Variants in CSMD2 observed in about 807,000 individuals in gnomAD.
CSMD2 encodes the protein CUB and Sushi multiple domains 2.
Under a neutral mutation model 398.5 loss-of-function variants are expected in CSMD2, and 130 were observed. The ratio of observed to expected loss-of-function variants is 0.33; its 90% CI spans 0.28 to 0.38. CSMD2 has a LOEUF of 0.38. CSMD2 is among the 10% of genes least tolerant of loss of function. The probability of loss-of-function intolerance (pLI) is 1.00; values close to 1 mark genes in which losing one functional copy is unlikely to be tolerated. For missense variants in CSMD2, 3,829 were observed against 4,764.9 expected (o/e 0.80, Z 5.78); for synonymous variants, 1,828 against 1,908.5 (o/e 0.96, Z 1.10).
At chr1:33,783,431 TTCTCTCTCTCTCTCTCTCTCTCTCTCTC>T (rs55769634) in intron 12 of CSMD2, among the ~76,000 whole-genome samples, 13 of 135,250 alleles carry the variant, frequency 9.6e-5, no homozygotes, top group South Asian at 2.6e-4. Context: ...CATTCTCTCA[TTCTCTCTCTCTCTCTCTCTCTCTCTCTC>T]TCTCTCTCTC....
At chr1:33,567,976 C>T in intron 52 of CSMD2, 135 bp from the exon 53 acceptor site, 3 of 1,039,858 alleles carry the variant, frequency 2.9e-6, no homozygotes, top group South Asian at 1.6e-5. Flanking sequence ...GAGGACTTGG[C>T]ACCCCAAATC....
intron 15 of CSMD2, among the ~76,000 whole-genome samples, chr1:33,735,720 T>C (rs1250952962): frequency 6.6e-6 from 1 of 152,178 alleles, no homozygotes; most frequent in African/African-American, 2.4e-5. Context: ...TGTCCTATTA[T>C]AGCCTCTCAA....
At chr1:34,032,851 G>C (rs1650631600) in intron 2 of CSMD2, 145 bp from the exon 3 acceptor site, 3 of 608,232 alleles carry the variant, frequency 4.9e-6, no homozygotes, top group African/African-American at 3.9e-5. Context: ...CTCAGCAGAG[G>C]TGATGAAAAC....
chr1:33,888,756 T>TTTGTTGTTG (rs140395748), intron 5 of CSMD2, among the ~76,000 whole-genome samples: 63,629 of 148,638 alleles, frequency 0.43, 13,708 homozygotes, highest in East Asian at 0.52. Context: ...TCAACTGATT[T>TTTGTTGTTG]TTGTTGTTGT....
In CSMD2 at chr1:33,805,122, G is replaced by A. The variant is rs1420363245; in HGVS notation, c.1446+5621C>T. ...GTCTCCACACACTGACCAAGGCTAG[G>A]CCTTCTGGGGGTGAATCTAATTGTT... On this transcript the variant is annotated intron_variant, in intron 10 of 70. Transcript: ENST00000373381. 2.0e-5 allele frequency among the ~76,000 whole-genome samples: 3 copies of A among 152,348 alleles called. No individual in the cohort carries two copies. In the East Asian group the frequency reaches 5.8e-4, roughly 29 times the overall value.
rs114047165 is a variant in CSMD2, at chr1:33,844,777, C to T, written c.1033+2107G>A. Among the ~76,000 whole-genome samples, 681 of 152,282 alleles carry T rather than the reference C, an allele frequency of 4.5e-3. 3 individuals are homozygous for T. Among genetic ancestry groups the T allele is most frequent in the African/African-American group, 0.016 (651 of 41,548 alleles). ...TAGGATTGAACAAAGTAATAAATGC[C>T]AAGCGCTTAAAATCTAGCAAGTCCT... On this transcript the variant is annotated intron_variant, in intron 6 of 70. Coordinates refer to ENST00000373381, the MANE Select transcript of CSMD2 (RefSeq NM_001281956.2).
At position 33,537,110 on chromosome 1, in the gene CSMD2, CAA is replaced by C. The variant is rs780246344; in HGVS notation, c.9806-17_9806-16del. On this transcript the variant is annotated splice_polypyrimidine_tract_variant and intron_variant, in intron 61 of 70. Coordinates refer to ENST00000373381, the MANE Select transcript of CSMD2 (RefSeq NM_001281956.2). The surrounding 1 kb of genome is among the most constrained non-coding windows in gnomAD (Gnocchi z 4.6). ...CAGGGTCGGATCTGGATGGCCAAAA[CAA>C]AGACACAGATCACATGGTCATGGAA... The C allele has an allele frequency of 1.2e-6, 2 of 1,614,074 alleles. No homozygotes were observed. The highest frequency in any genetic ancestry group is 8.5e-7 in the Non-Finnish European group (1 of 1,179,942).
At chr1:33,536,959 T>C in intron 62 of CSMD2, 63 bp downstream of exon 62, 1 of 1,519,842 alleles carries the variant, frequency 6.6e-7, no homozygotes. Flanking sequence ...TGGGTCCTCT[T>C]ATGTTGACAG....
intron 5 of CSMD2, chr1:33,873,403 G>T (rs567708488): frequency 1.3e-5 from 2 of 152,204 alleles, no homozygotes; most frequent in South Asian, 4.2e-4. Context: ...TTTGTGTGTG[G>T]GCTGGACCTA....
chr1:34,034,706 A>G (rs920974755), intron 2 of CSMD2, among the ~76,000 whole-genome samples: 4 of 152,100 alleles, frequency 2.6e-5, no homozygotes, highest in Non-Finnish European at 5.9e-5. Context: ...ATCTCTTGAA[A>G]TTGAGTGCTA....
intron 9 of CSMD2, among the ~76,000 whole-genome samples, chr1:33,814,748 A>G (rs1313199022): frequency 1.3e-5 from 2 of 152,170 alleles, no homozygotes; most frequent in African/African-American, 2.4e-5. Context: ...GGGAGCCAGG[A>G]AAGTCCAACT....
chr1:33,966,851 C>T (rs1384539868), intron 3 of CSMD2, among the ~76,000 whole-genome samples: 1 of 152,100 alleles, frequency 6.6e-6, no homozygotes, highest in Non-Finnish European at 1.5e-5. Flanking sequence ...AGTATATGCC[C>T]AGGAAACCCA....
At chr1:34,002,041 T>C (rs1646921168) in intron 3 of CSMD2, among the ~76,000 whole-genome samples, 1 of 152,352 alleles carries the variant, frequency 6.6e-6, no homozygotes, top group Non-Finnish European at 1.5e-5. Flanking sequence ...TTGTTTTTTT[T>C]TCCATCTGTC....
chr1:33,790,024 AGTTCTGCTATTCTAAG>A (rs1403262467), intron 11 of CSMD2, among the ~76,000 whole-genome samples: 1 of 152,222 alleles, frequency 6.6e-6, no homozygotes, highest in African/African-American at 2.4e-5. Context: ...CCTTTTCAAA[AGTTCTGCTATTCTAAG>A]GTTCTCTCTA....
intron 25 of CSMD2, among the ~76,000 whole-genome samples, chr1:33,668,977 G>A (rs547185054): frequency 1.4e-4 from 22 of 152,298 alleles, no homozygotes; most frequent in East Asian, 7.7e-4. Flanking sequence ...CAAAATAACC[G>A]GAGGACAAAA....
At chr1:34,123,559 T>A (rs530848907) in intron 1 of CSMD2, among the ~76,000 whole-genome samples, 2 of 152,132 alleles carry the variant, frequency 1.3e-5, no homozygotes, top group Admixed American at 1.3e-4. Context: ...TGAAGCCAAT[T>A]GGTCAGAAGT....
chr1:33,812,700 C>T (rs12024872), intron 9 of CSMD2, among the ~76,000 whole-genome samples: 1 of 152,044 alleles, frequency 6.6e-6, no homozygotes, highest in East Asian at 1.9e-4. Context: ...CAAATGATAC[C>T]ACCTCATTGA....
At chr1:34,165,395 A>T (rs1641797206), upstream of CSMD2, 1 of 950,778 alleles carries the variant, frequency 1.1e-6, no homozygotes. Context: ...CTGGGGGTGG[A>T]GGCGCAGCTA....
At chr1:34,018,916 C>T (rs1319115331) in intron 3 of CSMD2, among the ~76,000 whole-genome samples, 1 of 152,188 alleles carries the variant, frequency 6.6e-6, no homozygotes, top group Non-Finnish European at 1.5e-5. Flanking sequence ...ACACTGCTCC[C>T]TATTATAGTG....
Sources: gnomAD v4.1 joint callset for allele counts (sites outside exome capture counted in the v4.1 genomes callset) on GRCh38, gnomAD v4.1.1 for gene constraint, Gnocchi (gnomAD v3.1) non-coding constraint, MANE v1.5 for transcripts, NCBI Gene and HGNC (gene_info 2026-07-23, HGNC 2026-07-21) for gene names.